The following GALNT13 variants were observed in gnomAD, a reference collection of about 807,000 sequenced individuals.
GALNT13 encodes polypeptide N-acetylgalactosaminyltransferase 13.
GALNT13 carries 28 observed loss-of-function variants against 64.2 expected under a neutral mutation model. That is an observed-to-expected ratio of 0.44 (90% CI 0.32 to 0.60). The LOEUF (loss-of-function observed/expected upper bound fraction) is 0.60, where lower values mean the gene tolerates loss of function less well. Ranked by LOEUF, GALNT13 falls within the 20% of genes least tolerant of loss-of-function variation. The pLI is 0.05. For missense variants in GALNT13, 577 were observed against 669.8 expected, an observed-to-expected ratio of 0.86 and a Z score of 1.53; for synonymous variants, 214 against 224.6, an observed-to-expected ratio of 0.95 and a Z score of 0.42.
chr2:153,231,100 G>A, the GALNT13 span, among the ~76,000 whole-genome samples: 5 of 152,050 alleles, frequency 3.3e-5, no homozygotes, highest in Admixed American at 1.3e-4. Context: ...TCCTTCATCG[G>A]TTTTAACTAT....
intron 9 of GALNT13, among the ~76,000 whole-genome samples, chr2:154,368,809 G>A (rs978478871): frequency 5.9e-5 from 9 of 152,122 alleles, no homozygotes; most frequent in Admixed American, 2.0e-4. Context: ...ACATCCTCCC[G>A]AATTCTTCAT....
chr2:154,370,546 G>C (rs1460820464), intron 9 of GALNT13, among the ~76,000 whole-genome samples: 3 of 152,102 alleles, frequency 2.0e-5, no homozygotes, highest in Non-Finnish European at 4.4e-5. Context: ...TGATGAAATA[G>C]AAGCACAAAG....
chr2:153,657,271 T>C, the GALNT13 span, among the ~76,000 whole-genome samples: 1 of 152,090 alleles, frequency 6.6e-6, no homozygotes, highest in East Asian at 1.9e-4. Flanking sequence ...GGGAAGTTAT[T>C]AAATTTTTTG....
intron 4 of GALNT13, among the ~76,000 whole-genome samples, chr2:154,163,793 G>A (rs2882019): frequency 0.063 from 9,635 of 152,184 alleles, 426 homozygotes; most frequent in Middle Eastern, 0.13. Flanking sequence ...AATATCTGTC[G>A]TAAACTGGGT....
At chr2:153,692,530 C>G in the GALNT13 span, among the ~76,000 whole-genome samples, 1 of 152,170 alleles carries the variant, frequency 6.6e-6, no homozygotes, top group Admixed American at 6.5e-5. Flanking sequence ...CCAGTTGTTG[C>G]TATTTCCAGA....
At chr2:153,613,525 A>G in the GALNT13 span, among the ~76,000 whole-genome samples, 2 of 152,180 alleles carry the variant, frequency 1.3e-5, no homozygotes, top group Non-Finnish European at 2.9e-5. Context: ...GAATAATAAA[A>G]TATTTTCTAA....
chr2:153,485,691 C>T, the GALNT13 span, among the ~76,000 whole-genome samples: 4 of 152,034 alleles, frequency 2.6e-5, no homozygotes, highest in Non-Finnish European at 5.9e-5. Flanking sequence ...CTGCTTGAGC[C>T]CAGGAGTCCC....
chr2:153,831,929 T>C, the GALNT13 span, among the ~76,000 whole-genome samples: 2 of 152,176 alleles, frequency 1.3e-5, no homozygotes, highest in Non-Finnish European at 2.9e-5. Context: ...ACTTTATATT[T>C]TGTTGTTTGT....
the GALNT13 span, among the ~76,000 whole-genome samples, chr2:153,679,935 A>C: frequency 6.6e-6 from 1 of 151,882 alleles, no homozygotes; most frequent in Non-Finnish European, 1.5e-5. Flanking sequence ...CCTGTAAAAC[A>C]ATTTCAATTC....
chr2:154,350,238 C>T (rs538366951), intron 9 of GALNT13, among the ~76,000 whole-genome samples: 4 of 152,272 alleles, frequency 2.6e-5, no homozygotes, highest in African/African-American at 7.2e-5. Flanking sequence ...AGGAGATTAA[C>T]ATTTGAGTCA....
the GALNT13 span, among the ~76,000 whole-genome samples, chr2:153,130,755 A>T: frequency 2.9e-3 from 448 of 152,222 alleles, 4 homozygotes; most frequent in African/African-American, 0.01. Flanking sequence ...AAGAATCTTG[A>T]TTAGCCTCTT....
the GALNT13 span, among the ~76,000 whole-genome samples, chr2:153,348,223 G>A: frequency 1.4e-4 from 21 of 152,294 alleles, no homozygotes; most frequent in Admixed American, 5.2e-4. Context: ...AGACGTGCAC[G>A]TTTCCCAATA....
chr2:154,445,001 A>G (rs934771577), intron 12 of GALNT13, among the ~76,000 whole-genome samples: 6 of 152,038 alleles, frequency 3.9e-5, no homozygotes, highest in Non-Finnish European at 7.4e-5. Flanking sequence ...ACATACATAC[A>G]ATATTAATAA....
At chr2:153,381,462 C>G in the GALNT13 span, among the ~76,000 whole-genome samples, 1 of 151,772 alleles carries the variant, frequency 6.6e-6, no homozygotes, top group East Asian at 1.9e-4. Flanking sequence ...ATTAACCAGA[C>G]AGAGGGAGCA....
chr2:154,257,528 T>C (rs958766494), intron 7 of GALNT13: 2 of 152,184 alleles, frequency 1.3e-5, no homozygotes, highest in African/African-American at 4.8e-5. Flanking sequence ...CTAATTACCA[T>C]CTGTTTAGCT....
chr2:153,891,299 G>T (rs1374285912), intron 1 of GALNT13, among the ~76,000 whole-genome samples: 1 of 151,976 alleles, frequency 6.6e-6, no homozygotes, highest in Non-Finnish European at 1.5e-5. Flanking sequence ...TTTTTATCTG[G>T]CTTTCCCAGT....
At chr2:153,802,994 T>G in the GALNT13 span, among the ~76,000 whole-genome samples, 120,402 of 152,122 alleles carry the variant, frequency 0.79, 48,764 homozygotes, top group Admixed American at 0.86. Flanking sequence ...CTGTGTGATC[T>G]TCACAACTCA....
chr2:153,324,598 G>A, the GALNT13 span, among the ~76,000 whole-genome samples: 3 of 152,144 alleles, frequency 2.0e-5, no homozygotes, highest in Non-Finnish European at 4.4e-5. Context: ...TGGCCATTCA[G>A]TATGATATTG....
chr2:154,023,685 C>A (rs1166486590), intron 3 of GALNT13, among the ~76,000 whole-genome samples: 1 of 152,070 alleles, frequency 6.6e-6, no homozygotes, highest in Non-Finnish European at 1.5e-5. Flanking sequence ...GAGCATTTAG[C>A]CCATTTAGAT....
Sources: allele counts gnomAD v4.1 joint callset (sites outside exome capture counted in the v4.1 genomes callset), GRCh38; gene constraint gnomAD v4.1.1; transcripts MANE v1.5; gene names NCBI Gene and HGNC (gene_info 2026-07-23, HGNC 2026-07-21).